The following MN1 variants were observed in gnomAD, a reference collection of about 807,000 sequenced individuals.
MN1 encodes the protein transcriptional activator MN1.
MN1 carries 19 observed loss-of-function variants against 86.9 expected under a neutral mutation model. The observed-to-expected ratio is 0.22, with a 90% CI of 0.15 to 0.32. MN1 has a LOEUF of 0.32. Among genes scored for constraint, MN1 ranks in the 10% least tolerant of loss-of-function variants. The probability of loss-of-function intolerance (pLI) is 1.00; values close to 1 mark genes in which losing one functional copy is unlikely to be tolerated. For missense variants in MN1, 1,841 were observed against 1,862.0 expected (o/e 0.99, Z 0.21); for synonymous variants, 928 against 849.6 (o/e 1.09, Z -1.60).
At chr22:27,765,740 G>A (rs747477720) in intron 1 of MN1, among the ~76,000 whole-genome samples, 5 of 152,210 alleles carry the variant, frequency 3.3e-5, no homozygotes, top group African/African-American at 9.7e-5. Flanking sequence ...CCAAGGCCAC[G>A]CAGCGAAAAT....
Position 27,766,101 on chromosome 22 carries a change from C to T in MN1, c.3782-15005G>A, listed in dbSNP as rs562507857. 8.6e-4 allele frequency among the ~76,000 whole-genome samples: 131 copies of T among 152,282 alleles called. 1 individual carries two copies. The highest frequency in any genetic ancestry group is 2.9e-3 in the African/African-American group (122 of 41,560). On this transcript the variant is annotated intron_variant, in intron 1 of 1. Coordinates refer to ENST00000302326, the MANE Select transcript of MN1 (RefSeq NM_002430.3). ...TCTGGGAGCTGAAGCTGGGCTCTGC[C>T]GGACGCTGGCTGTGTGATTTCAGGT... is the stretch of plus-strand genomic sequence containing the variant.
intron 1 of MN1, among the ~76,000 whole-genome samples, chr22:27,756,634 C>T (rs1932803707): frequency 1.3e-5 from 2 of 152,136 alleles, no homozygotes; most frequent in Admixed American, 6.5e-5. Context: ...GTAAGAGAAC[C>T]TACCTTGCAG....
chr22:27,772,692 G>A (rs1489041997), intron 1 of MN1, among the ~76,000 whole-genome samples: 4 of 152,072 alleles, frequency 2.6e-5, no homozygotes, highest in African/African-American at 4.8e-5. Context: ...ACGCAGCTGC[G>A]CCCCTTTGGG....
intron 1 of MN1, among the ~76,000 whole-genome samples, chr22:27,793,435 T>A (rs879618134): frequency 7.2e-5 from 11 of 152,218 alleles, no homozygotes; most frequent in Admixed American, 7.2e-4. Flanking sequence ...ATCCATATAA[T>A]TCTCACCAAT....
At chr22:27,767,661 T>G (rs971372510) in intron 1 of MN1, among the ~76,000 whole-genome samples, 1 of 152,040 alleles carries the variant, frequency 6.6e-6, no homozygotes, top group Admixed American at 6.5e-5. Flanking sequence ...GGATAATCTC[T>G]GAGATGAGAT....
In MN1 at chr22:27,800,606, C is replaced by T. The variant is rs1933417986; in HGVS notation, c.-63G>A. ...CAGCCGGCTCTCCGCGGCGCGCCTCCGGCCAGCTACTCGTTCCAGCCCAGG... is the reference window on the plus strand; with the variant it reads ...CAGCCGGCTCTCCGCGGCGCGCCTCTGGCCAGCTACTCGTTCCAGCCCAGG... On this transcript the variant is annotated 5_prime_UTR_variant, in exon 1 of 2. Transcript: ENST00000302326. The T allele has an allele frequency of 1.9e-6, 3 of 1,605,684 alleles. No individual in the cohort carries two copies. The highest frequency in any genetic ancestry group is 1.7e-5 in the Admixed American group (1 of 59,626).
Position 27,798,719 on chromosome 22 carries a change from T to C in MN1, c.1825A>G (p.Ser609Gly), listed in dbSNP as rs1168469951. 1 of 1,535,670 alleles carries C rather than the reference T, an allele frequency of 6.5e-7. No individual in the cohort carries two copies. Among genetic ancestry groups the C allele is most frequent in the South Asian group, 1.2e-5 (1 of 84,010 alleles). ...GTGCCCAGACGCCCGGCGCCCGTGC[T>C]GCCGCCTTCGCGCTCAAAGTTCGGC... The part of the protein sequence containing the change: ...AQPNFEREGG[S>G]TGAGRLGTFE... Residue 609 changes from serine to glycine, a missense_variant, in exon 1 of 2, where the codon AGC (serine) becomes GGC (glycine). Coordinates refer to ENST00000302326, the MANE Select transcript of MN1 (RefSeq NM_002430.3).
chr22:27,752,051 T>C (rs1346326774), intron 1 of MN1, among the ~76,000 whole-genome samples: 1 of 152,144 alleles, frequency 6.6e-6, no homozygotes, highest in Non-Finnish European at 1.5e-5. Flanking sequence ...GGCCTTAGCT[T>C]GCTCATACTC....
At position 27,750,902 on chromosome 22, in the gene MN1, T is replaced by G; in HGVS notation, c.*13A>C. 6.4e-7 allele frequency: 1 copy of G among 1,568,628 alleles called. No homozygotes were observed. Among genetic ancestry groups the G allele is most frequent in the East Asian group, 2.3e-5 (1 of 43,772 alleles). On this transcript the variant is annotated 3_prime_UTR_variant, in exon 2 of 2. Coordinates refer to ENST00000302326, the MANE Select transcript of MN1 (RefSeq NM_002430.3). Reference sequence around the variant, plus strand: ...AGGAAGGGCCTGGTAGAGGAGGGGATCTTTCTTGTCATTCAAGTTAGGGCA... The same window carrying G: ...AGGAAGGGCCTGGTAGAGGAGGGGAGCTTTCTTGTCATTCAAGTTAGGGCA...
chr22:27,790,097 T>C (rs533433145), intron 1 of MN1, among the ~76,000 whole-genome samples: 49 of 152,378 alleles, frequency 3.2e-4, no homozygotes, highest in Middle Eastern at 3.4e-3. Context: ...GATACTTCAC[T>C]GGCTGCTCAA....
chr22:27,751,090 T>C lies in MN1; in HGVS notation c.3788A>G (p.Asp1263Gly), dbSNP rs759932752. The change falls in exon 2 of 2, where the codon GAC (aspartate) becomes GGC (glycine). Residue 1263 changes from aspartate (D) to glycine (G), a missense_variant. Coordinates refer to ENST00000302326, the MANE Select transcript of MN1 (RefSeq NM_002430.3). ...PQNPNSKEAH[D>G]LPANKASASQ... is the part of the protein sequence containing the mutation. ...TGCTGAGGCCTTGTTTGCAGGGAGGTCGTGGGCTGTGGAGAGAGAAGGAAG... is the reference window on the plus strand; with the variant it reads ...TGCTGAGGCCTTGTTTGCAGGGAGGCCGTGGGCTGTGGAGAGAGAAGGAAG... 1.9e-6 allele frequency: 3 copies of C among 1,573,828 alleles called. No individual in the cohort carries two copies. The East Asian group carries it at 6.9e-5, about 36-fold the overall frequency.
rs765649603 is a variant in MN1 at position 27,799,408 on chromosome 22, G to A, written c.1136C>T (p.Pro379Leu). 16 of 1,500,190 alleles carry A rather than the reference G, an allele frequency of 1.1e-5. No homozygotes were observed. The highest frequency in any genetic ancestry group is 1.3e-5 in the Non-Finnish European group (15 of 1,130,162). 92.9% of individuals were successfully genotyped at this position (1,500,190 alleles called of 1,614,324 possible). A position where few individuals can be genotyped will look rare whatever the true frequency, so the allele number is the denominator to read the frequency against. Residue 379 changes from proline (P) to leucine (L), a missense_variant, in exon 1 of 2, where the codon CCT (proline) becomes CTT (leucine). Pro to Leu is a moderately conservative substitution (Grantham distance 98, BLOSUM62 -3). Transcript: ENST00000302326. The stretch of plus-strand genomic sequence containing the variant: ...GCCCGCCTCGCCCTGCTGGGGCCGA[G>A]GGAGCGCAGGCGGGCACGAATTTTG... Reference protein sequence around the residue: ...VRQNSCPPALPRPQQGEAGTP... With the variant: ...VRQNSCPPALLRPQQGEAGTP...
intron 1 of MN1, among the ~76,000 whole-genome samples, chr22:27,772,322 G>C (rs1932924579): frequency 6.6e-6 from 1 of 152,158 alleles, no homozygotes; most frequent in Non-Finnish European, 1.5e-5. Flanking sequence ...AATTTTGTCA[G>C]GGATAATTAC....
chr22:27,776,338 A>G (rs978113403), intron 1 of MN1, among the ~76,000 whole-genome samples: 1 of 152,226 alleles, frequency 6.6e-6, no homozygotes, highest in Non-Finnish European at 1.5e-5. Flanking sequence ...GGAATTTATC[A>G]AATGAGATTT....
At chr22:27,753,375 T>G (rs1007953648) in intron 1 of MN1, among the ~76,000 whole-genome samples, 1 of 152,210 alleles carries the variant, frequency 6.6e-6, no homozygotes, top group East Asian at 1.9e-4. Flanking sequence ...GTTCCCTCTC[T>G]GGACCTCAGT....
rs1236595112 is a variant in MN1 at position 27,801,626 on chromosome 22, C to G, written c.-1083G>C. On this transcript the variant is annotated 5_prime_UTR_variant, in exon 1 of 2. Coordinates refer to ENST00000302326, the MANE Select transcript of MN1 (RefSeq NM_002430.3). ...AGAGCCCGGAATGGGGGGAGGGGGG[C>G]GCGGGGGCAGCTCTGGGGGGTCTGC... The G allele has an allele frequency of 1.7e-5, 2 of 116,612 alleles. No individual in the cohort carries two copies. The highest frequency in any genetic ancestry group is 3.5e-5 in the Non-Finnish European group (2 of 57,220). The allele number at this position is 116,612 out of a possible 1,614,324, so 7.2% of individuals were successfully genotyped here. A position where few individuals can be genotyped will look rare whatever the true frequency, so the allele number is the denominator to read the frequency against.
rs1055257417 is a variant in MN1, at chr22:27,797,526, C to A, written c.3018G>T (p.Thr1006=). Residue 1006 remains threonine (T), a synonymous_variant, in exon 1 of 2, where the codon ACG becomes ACT. Coordinates refer to ENST00000302326, the MANE Select transcript of MN1 (RefSeq NM_002430.3). ...CAGCCCCCTTCCCCCAGGATGGCGA[C>A]GTGAGCGCCTTTTCGTGGGGCGTCG... ...GAPTPHEKAL[T]SPSWGKGAEL... 8 of 1,608,144 alleles carry A rather than the reference C, an allele frequency of 5.0e-6. No homozygotes were observed. Among genetic ancestry groups the A allele is most frequent in the Non-Finnish European group, 6.8e-6 (8 of 1,178,202 alleles).
Position 27,800,770 on chromosome 22 carries a change from C to G in MN1, c.-227G>C. On this transcript the variant is annotated 5_prime_UTR_variant, in exon 1 of 2. Coordinates refer to ENST00000302326, the MANE Select transcript of MN1 (RefSeq NM_002430.3). ...CCCGGGGAGGGCCTCTCACATCTTG[C>G]GAGGCCGCGGGGCCTCTAGGAGCCG... The G allele has an allele frequency of 5.0e-6, 3 of 605,344 alleles. No individual in the cohort carries two copies. Among genetic ancestry groups the G allele is most frequent in the East Asian group, 5.8e-5 (2 of 34,206 alleles). The allele number at this position is 605,344 out of a possible 1,614,324, so 37.5% of individuals were successfully genotyped here.
Position 27,799,787 on chromosome 22 carries a change from C to T in MN1, c.757G>A (p.Glu253Lys). 6.3e-7 allele frequency: 1 copy of T among 1,593,906 alleles called. No homozygotes were observed. Among genetic ancestry groups the T allele is most frequent in the Non-Finnish European group, 8.6e-7 (1 of 1,168,846 alleles). Residue 253 changes from glutamate (E) to lysine (K), a missense_variant, in exon 1 of 2, where the codon GAA becomes AAA. Transcript: ENST00000302326. ...GCTGCATAATGAGGCAGCTGCCCTT[C>T]GGAGTCAGAGGGCGAAAACATGTCA... ...HFDMFSPSDS[E>K]GQLPHYAAGR... is the part of the protein sequence containing the mutation.
Sources: allele counts gnomAD v4.1 joint callset (sites outside exome capture counted in the v4.1 genomes callset), GRCh38; gene constraint gnomAD v4.1.1; transcripts MANE v1.5; gene names NCBI Gene and HGNC (gene_info 2026-07-23, HGNC 2026-07-21).